CDON: variants seen among roughly 807,000 people sequenced by gnomAD.
CDON encodes cell adhesion associated, oncogene regulated.
Under a neutral mutation model 120.9 loss-of-function variants are expected in CDON, and 73 were observed. The ratio of observed to expected loss-of-function variants is 0.60; its 90% CI spans 0.50 to 0.73. The LOEUF (loss-of-function observed/expected upper bound fraction) is 0.73. Among genes scored for constraint, CDON ranks in the 30% least tolerant of loss-of-function variants. The probability of loss-of-function intolerance (pLI) is 0.00; values close to 1 mark genes in which losing one functional copy is unlikely to be tolerated. For missense variants in CDON, 1,470 were observed against 1,587.3 expected, an observed-to-expected ratio of 0.93 and a Z score of 1.26; for synonymous variants, 566 against 573.5, an observed-to-expected ratio of 0.99 and a Z score of 0.19.
chr11:125,984,166 G>A, intron 15 of CDON, 73 bp from the exon 16 acceptor site: 1 of 1,109,894 alleles, frequency 9.0e-7, no homozygotes, highest in African/African-American at 1.5e-5. Flanking sequence ...CTCTCTGAAG[G>A]AGGTCTGGTT....
intron 1 of CDON, among the ~76,000 whole-genome samples, chr11:126,058,335 C>G (rs1341191963): frequency 6.6e-6 from 1 of 152,134 alleles, no homozygotes; most frequent in African/African-American, 2.4e-5. Flanking sequence ...TCAAAATATA[C>G]CGCACAGCAA....
chr11:126,039,596 T>C (rs997641490), intron 1 of CDON, among the ~76,000 whole-genome samples: 1 of 152,178 alleles, frequency 6.6e-6, no homozygotes. Context: ...CTTAAATCAG[T>C]AGGATTATAC....
In CDON at chr11:125,994,308, C is replaced by A. The variant is rs1946713858; in HGVS notation, c.2626G>T (p.Asp876Tyr). The change falls in exon 14 of 20, where the codon GAT (aspartate) becomes TAT (tyrosine). Residue 876 changes from aspartate (D) to tyrosine (Y), a missense_variant. Asp to Tyr is a radical substitution (Grantham distance 160). Transcript: ENST00000531738. ...YRPTDSDNDSDYKRDVVEGSK... is the reference protein window; with the variant it reads ...YRPTDSDNDSYYKRDVVEGSK... ...CCTTCTACAACATCCCTCTTGTAAT[C>A]ACTGTCATTGTCACTATCTGTTGGT... The A allele has an allele frequency of 1.9e-6, 3 of 1,597,568 alleles. No homozygotes were observed. Among genetic ancestry groups the A allele is most frequent in the Non-Finnish European group, 2.6e-6 (3 of 1,165,158 alleles).
chr11:126,054,100 TA>T (rs1320577540), intron 1 of CDON, among the ~76,000 whole-genome samples: 1 of 152,192 alleles, frequency 6.6e-6, no homozygotes, highest in Non-Finnish European at 1.5e-5. Flanking sequence ...ATTTTACCTC[TA>T]ACCAGGCAGT....
intron 11 of CDON, among the ~76,000 whole-genome samples, chr11:125,998,567 A>G (rs1165070946): frequency 6.6e-6 from 1 of 152,134 alleles, no homozygotes; most frequent in East Asian, 1.9e-4. Context: ...CCATGAGCCA[A>G]ATAAACCTCT....
intron 11 of CDON, among the ~76,000 whole-genome samples, chr11:125,999,265 T>C (rs1285091914): frequency 2.0e-5 from 3 of 152,134 alleles, no homozygotes; most frequent in South Asian, 2.1e-4. Context: ...ACAGTTCAAA[T>C]AGGAAAAAGA....
At chr11:126,018,595 G>T (rs1947539102) in intron 4 of CDON, 122 bp from the exon 5 acceptor site, 4 of 830,230 alleles carry the variant, frequency 4.8e-6, no homozygotes, top group African/African-American at 1.7e-5. Flanking sequence ...AGAGATGGGG[G>T]TCTCATTCTG....
chr11:126,005,807 G>A lies in CDON; in HGVS notation c.1803C>T (p.Gly601=). 6.2e-7 allele frequency: 1 copy of A among 1,614,014 alleles called. No homozygotes were observed. The highest frequency in any genetic ancestry group is 1.3e-5 in the African/African-American group (1 of 75,034). The change falls in exon 9 of 20, where the codon GGC becomes GGT. Residue 601 remains glycine (G), a synonymous_variant. Transcript: ENST00000531738. ...PDTYNLVWRA[G]KDGGLPINAY... Reference sequence around the variant, plus strand: ...CATTGATGGGCAGCCCACCATCCTTGCCTGCCCTCCACACCAGGTTGTACG... The same window carrying A: ...CATTGATGGGCAGCCCACCATCCTTACCTGCCCTCCACACCAGGTTGTACG...
chr11:126,016,764 C>T (rs571310649), intron 6 of CDON, among the ~76,000 whole-genome samples: 1 of 152,286 alleles, frequency 6.6e-6, no homozygotes, highest in East Asian at 1.9e-4. Flanking sequence ...TTACTGGATA[C>T]TACACACAGA....
At chr11:125,976,831 CT>C (rs1168209769) in intron 18 of CDON, among the ~76,000 whole-genome samples, 1 of 152,154 alleles carries the variant, frequency 6.6e-6, no homozygotes, top group South Asian at 2.1e-4. Flanking sequence ...CAATTTTCCC[CT>C]TTTTAGTTAA....
At position 126,034,765 on chromosome 11, in the gene CDON, G is replaced by T. The variant is rs73021221; in HGVS notation, c.-61-11228C>A. ...AGACAAAATATAGAAAATTTCAAGG[G>T]GATTATTTTGCAAGTCCCATGGAGT... On this transcript the variant is annotated intron_variant, in intron 1 of 19. Coordinates refer to ENST00000531738, the MANE Select transcript of CDON (RefSeq NM_001378964.1). This position sits in a 1 kb window ranked among gnomAD's most constrained non-coding sequence, Gnocchi z 4.5. Among the ~76,000 whole-genome samples, 1 of 152,038 alleles carries T rather than the reference G, an allele frequency of 6.6e-6. No homozygotes were observed. The highest frequency in any genetic ancestry group is 2.4e-5 in the African/African-American group (1 of 41,372).
chr11:126,037,329 A>AT (rs1948128087), intron 1 of CDON, among the ~76,000 whole-genome samples: 1 of 151,816 alleles, frequency 6.6e-6, no homozygotes, highest in East Asian at 1.9e-4. Context: ...TGAACTTCTG[A>AT]TCTCAAGGGC....
intron 1 of CDON, among the ~76,000 whole-genome samples, chr11:126,024,181 A>G (rs1947720061): frequency 6.6e-6 from 1 of 152,272 alleles, no homozygotes; most frequent in African/African-American, 2.4e-5. Flanking sequence ...AGGCTGGACC[A>G]GATCACATTC....
intron 1 of CDON, among the ~76,000 whole-genome samples, chr11:126,042,360 T>C (rs1480889032): frequency 6.6e-6 from 1 of 152,232 alleles, no homozygotes. Context: ...CAGTGGTAAT[T>C]GTGGGTCACC....
intron 1 of CDON, among the ~76,000 whole-genome samples, chr11:126,058,496 T>C (rs1028939132): frequency 2.6e-5 from 4 of 152,236 alleles, no homozygotes; most frequent in African/African-American, 7.2e-5. Flanking sequence ...AAGGCTTCTT[T>C]ATTTTCTGAA....
chr11:125,976,239 G>A (rs1279076714), intron 18 of CDON, among the ~76,000 whole-genome samples: 1 of 152,302 alleles, frequency 6.6e-6, no homozygotes. Flanking sequence ...ATTTTCTAGA[G>A]CTGAAGGTAG....
Position 126,018,358 on chromosome 11 carries a change from T to C in CDON, c.612A>G (p.Glu204=), listed in dbSNP as rs200972214. 1 of 1,614,046 alleles carries C rather than the reference T, an allele frequency of 6.2e-7. No individual in the cohort carries two copies. The highest frequency in any genetic ancestry group is 8.5e-7 in the Non-Finnish European group (1 of 1,179,962). ...TCACAAGGAGCTTTCGGCCAATAGG[T>C]TCAACTTTTAATTGATGTGTGACAG... The part of the protein sequence containing the change: ...YNPVTHQLKV[E]PIGRKLLVSR... Residue 204 remains glutamate, a synonymous_variant, in exon 5 of 20, where the codon GAA becomes GAG. Coordinates refer to ENST00000531738, the MANE Select transcript of CDON (RefSeq NM_001378964.1).
In CDON at chr11:125,961,818, A is replaced by G. The variant is rs768252976; in HGVS notation, c.3537T>C (p.Asn1179=). ...TACGCTGAGTAGGGACTGGTTCCAC[A>G]TTGTCCTTGACGCTCTCCTCCGGCA... is the stretch of plus-strand genomic sequence containing the variant. ...GQLPEESVKD[N]VEPVPTQRTC... is the part of the protein sequence containing the mutation. Residue 1179 remains asparagine, a synonymous_variant, in exon 19 of 20, where the codon AAT becomes AAC. Transcript: ENST00000531738. 1.9e-6 allele frequency: 3 copies of G among 1,614,172 alleles called. No individual in the cohort carries two copies. Among genetic ancestry groups the G allele is most frequent in the Non-Finnish European group, 2.5e-6 (3 of 1,180,038 alleles).
chr11:126,030,867 T>C (rs1947925328), intron 1 of CDON, among the ~76,000 whole-genome samples: 1 of 152,224 alleles, frequency 6.6e-6, no homozygotes, highest in African/African-American at 2.4e-5. Context: ...ATATTTAATT[T>C]AACTAAGAAG....
Sources: allele counts gnomAD v4.1 joint callset (sites outside exome capture counted in the v4.1 genomes callset), GRCh38; gene constraint gnomAD v4.1.1; non-coding constraint Gnocchi (gnomAD v3.1); transcripts MANE v1.5; gene names NCBI Gene and HGNC (gene_info 2026-07-23, HGNC 2026-07-21).